Variants in GABRG2 observed in about 807,000 individuals in gnomAD.
GABRG2 encodes the protein gamma-aminobutyric acid type A receptor subunit gamma2.
GABRG2 carries 16 observed loss-of-function variants against 56.4 expected under a neutral mutation model. The observed-to-expected ratio is 0.28, with a 90% CI of 0.19 to 0.43. GABRG2 has a LOEUF of 0.43. GABRG2 is among the 20% of genes least tolerant of loss of function. GABRG2 has a pLI of 1.00. For synonymous variants in GABRG2, 208 were observed against 205.5 expected (o/e 1.01, Z -0.10); for missense variants, 327 against 582.7 (o/e 0.56, Z 4.52).
At chr5:162,071,051 A>T (rs891612236) in intron 1 of GABRG2, among the ~76,000 whole-genome samples, 3 of 151,864 alleles carry the variant, frequency 2.0e-5, no homozygotes, top group Non-Finnish European at 4.4e-5. Flanking sequence ...AATATTATAC[A>T]TATAACAAAG....
At chr5:162,080,883 A>G (rs1170944694) in intron 1 of GABRG2, among the ~76,000 whole-genome samples, 2 of 152,204 alleles carry the variant, frequency 1.3e-5, no homozygotes, top group Non-Finnish European at 2.9e-5. Flanking sequence ...ATGGCATTGT[A>G]ATGAAATAAT....
intron 1 of GABRG2, among the ~76,000 whole-genome samples, chr5:162,085,279 A>G (rs1293584092): frequency 6.6e-6 from 1 of 151,994 alleles, no homozygotes; most frequent in East Asian, 1.9e-4. Flanking sequence ...AGGTCATCAT[A>G]GCTTTTATTC....
At chr5:162,111,725 T>G (rs1762265275) in intron 6 of GABRG2, among the ~76,000 whole-genome samples, 1 of 152,186 alleles carries the variant, frequency 6.6e-6, no homozygotes, top group African/African-American at 2.4e-5. Flanking sequence ...GGCTAAGTTA[T>G]TTGTTCAAGG....
intron 7 of GABRG2, among the ~76,000 whole-genome samples, chr5:162,148,620 C>A (rs1581452351): frequency 6.6e-6 from 1 of 152,220 alleles, no homozygotes; most frequent in South Asian, 2.1e-4. Context: ...GGTGCCAGGT[C>A]TTCTAAAAAT....
intron 8 of GABRG2, 73 bp from the exon 9 acceptor site, chr5:162,151,657 C>CTT: frequency 8.0e-7 from 1 of 1,246,832 alleles, no homozygotes. Flanking sequence ...TTGTCTCTCT[C>CTT]TTTTTTTTTC....
intron 6 of GABRG2, among the ~76,000 whole-genome samples, chr5:162,116,228 A>G (rs188289406): frequency 4.1e-5 from 6 of 147,880 alleles, no homozygotes; most frequent in Admixed American, 1.4e-4. Context: ...GCATCTATCC[A>G]TCTACCAATC....
At position 162,068,086 on chromosome 5, in the gene GABRG2, C is replaced by G; in HGVS notation, c.87C>G (p.Leu29=). 6.2e-7 allele frequency: 1 copy of G among 1,612,600 alleles called. No individual in the cohort carries two copies. The highest frequency in any genetic ancestry group is 8.5e-7 in the Non-Finnish European group (1 of 1,179,296). The change falls in exon 1 of 10, where the codon CTC becomes CTG. Residue 29 remains leucine (L), a synonymous_variant. Transcript: ENST00000639213. ...AGAAAATGACGGTGTGGATTCTGCT[C>G]CTGCTGTCGCTCTACCCTGGGTAAG... ...FSQKMTVWIL[L]LLSLYPGFTS... is the part of the protein sequence containing the mutation.
At chr5:162,147,662 C>T (rs188840123) in intron 7 of GABRG2, among the ~76,000 whole-genome samples, 1 of 152,282 alleles carries the variant, frequency 6.6e-6, no homozygotes, top group East Asian at 1.9e-4. Context: ...CCATGCCTGG[C>T]CCGACCTGTT....
rs147233520 is a variant in GABRG2 at position 162,148,199 on chromosome 5, A to C, written c.923-909A>C. ...ATAATTAGTAAAGTATGAGCTTTGA[A>C]ATCACTCATGTAATTTCTGTGTTCA... is the stretch of plus-strand genomic sequence containing the variant. On this transcript the variant is annotated intron_variant, in intron 7 of 9. Coordinates refer to ENST00000639213, the MANE Select transcript of GABRG2 (RefSeq NM_198904.4). 3.4e-3 allele frequency among the ~76,000 whole-genome samples: 511 copies of C among 152,278 alleles called. 2 individuals carry two copies. The highest frequency in any genetic ancestry group is 0.01 in the Middle Eastern group (3 of 294).
At chr5:162,084,365 C>A (rs1370614508) in intron 1 of GABRG2, among the ~76,000 whole-genome samples, 1 of 151,846 alleles carries the variant, frequency 6.6e-6, no homozygotes, top group African/African-American at 2.4e-5. Flanking sequence ...TTTGAATTTT[C>A]AGTTTACCAT....
intron 1 of GABRG2, among the ~76,000 whole-genome samples, chr5:162,084,014 A>G (rs1286434411): frequency 6.6e-6 from 1 of 151,864 alleles, no homozygotes; most frequent in Non-Finnish European, 1.5e-5. Flanking sequence ...AATAAATTCA[A>G]TGGTACCAGA....
intron 6 of GABRG2, among the ~76,000 whole-genome samples, chr5:162,111,272 A>G (rs751076706): frequency 1.8e-4 from 27 of 152,206 alleles, no homozygotes; most frequent in Non-Finnish European, 3.7e-4. Flanking sequence ...TATTATACAC[A>G]TTAAACAAAA....
chr5:162,128,643 G>A (rs1763508771), intron 6 of GABRG2, among the ~76,000 whole-genome samples: 1 of 151,962 alleles, frequency 6.6e-6, no homozygotes. Context: ...ATCTATGACA[G>A]TGAAGCTCTG....
chr5:162,095,764 C>CAT (rs571595307), intron 3 of GABRG2, among the ~76,000 whole-genome samples: 53 of 151,784 alleles, frequency 3.5e-4, no homozygotes, highest in Non-Finnish European at 5.4e-4. Context: ...TAAATGGGAC[C>CAT]ATATATATAA....
intron 1 of GABRG2, among the ~76,000 whole-genome samples, chr5:162,077,635 A>G (rs1759243521): frequency 1.3e-5 from 2 of 152,206 alleles, no homozygotes; most frequent in Admixed American, 1.3e-4. Context: ...ATCTATGTCT[A>G]CATTACCAGT....
At position 162,095,479 on chromosome 5, in the gene GABRG2, A is replaced by G. The variant is rs1224526286; in HGVS notation, c.260-16A>G. Reference sequence around the variant, plus strand: ...CACCTCTCTATGTGCACACATTTCTATGTTTCTCTTTACAGTGAAGCCAAC... The same window carrying G: ...CACCTCTCTATGTGCACACATTTCTGTGTTTCTCTTTACAGTGAAGCCAAC... On this transcript the variant is annotated splice_polypyrimidine_tract_variant and intron_variant, in intron 2 of 9. Transcript: ENST00000639213. The G allele has an allele frequency of 1.2e-5, 18 of 1,550,432 alleles. No homozygotes were observed. The highest frequency in any genetic ancestry group is 1.5e-5 in the Non-Finnish European group (17 of 1,123,260).
intron 5 of GABRG2, chr5:162,102,691 C>A: frequency 2.3e-6 from 1 of 425,656 alleles, no homozygotes; most frequent in Non-Finnish European, 4.8e-6. Context: ...CCACCATACC[C>A]AGCTAATTTC....
chr5:162,071,953 C>T (rs1374229568), intron 1 of GABRG2, among the ~76,000 whole-genome samples: 3 of 151,768 alleles, frequency 2.0e-5, no homozygotes, highest in African/African-American at 2.4e-5. Flanking sequence ...CGTAAATACT[C>T]ATCACCCAGT....
chr5:162,071,928 TAAAG>T (rs1758706475), intron 1 of GABRG2, among the ~76,000 whole-genome samples: 3 of 150,066 alleles, frequency 2.0e-5, no homozygotes, highest in Non-Finnish European at 1.5e-5. Context: ...AAAAAAAAAA[TAAAG>T]AAAAACAGAA....
Sources: allele counts gnomAD v4.1 joint callset (sites outside exome capture counted in the v4.1 genomes callset), GRCh38; gene constraint gnomAD v4.1.1; transcripts MANE v1.5; gene names NCBI Gene and HGNC (gene_info 2026-07-23, HGNC 2026-07-21).